PIGG: variants seen among roughly 807,000 people sequenced by gnomAD.
PIGG encodes the protein GPI ethanolamine phosphate transferase 2, catalytic subunit.
PIGG carries 70 observed loss-of-function variants against 83.2 expected under a neutral mutation model. That is an observed-to-expected ratio of 0.84 (90% CI 0.69 to 1.03). The LOEUF is 1.03. Ranked by LOEUF, PIGG falls within the 50% of genes least tolerant of loss-of-function variation. PIGG has a pLI of 0.00. For synonymous variants in PIGG, 532 were observed against 519.5 expected, an observed-to-expected ratio of 1.02 and a Z score of -0.33; for missense variants, 1,257 against 1,233.6, an observed-to-expected ratio of 1.02 and a Z score of -0.28.
intron 1 of PIGG, chr4:500,157 T>C (rs1553874767): frequency 1.1e-5 from 6 of 538,112 alleles, no homozygotes; most frequent in Non-Finnish European, 3.3e-6. Context: ...CCCAGTACTC[T>C]TCACCATACT....
Position 516,943 on chromosome 4 carries a change from C to T in PIGG, c.1114+758C>T, listed in dbSNP as rs569450356. The stretch of plus-strand genomic sequence containing the variant: ...GGGGGAGCCACTGGGGCAGGCTGGC[C>T]GCTGGCCATCTGGGAGGGCACATTA... On this transcript the variant is annotated intron_variant, in intron 6 of 12. Transcript: ENST00000453061. 1.6e-4 allele frequency among the ~76,000 whole-genome samples: 24 copies of T among 151,754 alleles called. No homozygotes were observed. The South Asian group carries it at 4.6e-3, about 29-fold the overall frequency.
rs1161542675 is a variant in PIGG at position 523,569 on chromosome 4, C to T, written c.1725C>T (p.His575=). ...CCAGCAGCTTCGTGGAGGAGGAGCA[C>T]CAGACCTGGTACTTCCTTGTGAACA... ...LGASSFVEEE[H]QTWYFLVNTL... The change falls in exon 9 of 13, where the codon CAC becomes CAT. Residue 575 remains histidine, a synonymous_variant. Coordinates refer to ENST00000453061, the MANE Select transcript of PIGG (RefSeq NM_001127178.3). The T allele has an allele frequency of 6.2e-7, 1 of 1,614,106 alleles. No homozygotes were observed. The highest frequency in any genetic ancestry group is 2.2e-5 in the East Asian group (1 of 44,874).
chr4:519,941 C>T (rs1373766521), intron 6 of PIGG, among the ~76,000 whole-genome samples: 3 of 143,996 alleles, frequency 2.1e-5, no homozygotes, highest in African/African-American at 7.8e-5. Context: ...CGTGTGGGTT[C>T]ATGCTTAGGG....
At chr4:534,055 G>A in intron 12 of PIGG, 74 bp downstream of exon 12, 2 of 1,328,086 alleles carry the variant, frequency 1.5e-6, no homozygotes, top group South Asian at 1.2e-5. Flanking sequence ...CTTTGTTCCA[G>A]ATGCAAGGGG....
At position 523,784 on chromosome 4, in the gene PIGG, G is replaced by C; in HGVS notation, c.1940G>C (p.Arg647Thr). The C allele has an allele frequency of 6.2e-7, 1 of 1,613,866 alleles. No homozygotes were observed. The highest frequency in any genetic ancestry group is 8.5e-7 in the Non-Finnish European group (1 of 1,180,034). ...HGSPSTSEVL[R>T]GREKWMVLAS... The stretch of plus-strand genomic sequence containing the variant: ...AGCCCCTCTACCTCCGAAGTGCTCA[G>C]AGGCCGCGAGAAGTGGATGGTGCTG... Residue 647 changes from arginine (R) to threonine (T), a missense_variant, in exon 9 of 13, where the codon AGA (arginine) becomes ACA (threonine). By Grantham distance (71) the Arg-to-Thr change is moderately conservative. Transcript: ENST00000453061.
chr4:517,394 G>A (rs770546368), intron 6 of PIGG, among the ~76,000 whole-genome samples: 14 of 152,160 alleles, frequency 9.2e-5, no homozygotes, highest in East Asian at 3.9e-4. Flanking sequence ...GACCAGAGGC[G>A]TTAGGTACGA....
In PIGG at chr4:499,481, C is replaced by A. The variant is rs782555599; in HGVS notation, c.146C>A (p.Pro49His). Residue 49 changes from proline to histidine, a missense_variant, in exon 1 of 13, where the codon CCC becomes CAC. Physicochemically the swap from Pro to His is moderately conservative, Grantham distance 77. Transcript: ENST00000453061. Reference sequence around the variant, plus strand: ...GGAGCGGAGCCCCCAGCGCCCGAACCCTCGGCTGGTACGGACCCCTCCCCG... The same window carrying A: ...GGAGCGGAGCCCCCAGCGCCCGAACACTCGGCTGGTACGGACCCCTCCCCG... ...EHGAEPPAPE[P>H]SAGASSNWTT... The A allele has an allele frequency of 3.8e-6, 6 of 1,597,652 alleles. No individual in the cohort carries two copies. The South Asian group carries it at 5.5e-5, about 15-fold the overall frequency.
chr4:522,192 C>G (rs765616354), intron 8 of PIGG: 1 of 602,526 alleles, frequency 1.7e-6, no homozygotes, highest in Middle Eastern at 4.3e-4. Flanking sequence ...AAGCTAGGTT[C>G]CTGCGACTGT....
chr4:533,634 C>T, intron 11 of PIGG, 184 bp from the exon 12 acceptor site: 1 of 613,854 alleles, frequency 1.6e-6, no homozygotes, highest in Non-Finnish European at 2.9e-6. Context: ...GCCACCTAGG[C>T]AAGGCCAGCT....
At chr4:535,320 G>T (rs1730215867) in intron 12 of PIGG, among the ~76,000 whole-genome samples, 1 of 149,908 alleles carries the variant, frequency 6.7e-6, no homozygotes, top group Non-Finnish European at 1.5e-5. Flanking sequence ...AGTGGCCCCT[G>T]CGGCATCTAC....
chr4:506,047 A>C (rs143579148), intron 3 of PIGG, 120 bp downstream of exon 3: 15 of 695,126 alleles, frequency 2.2e-5, no homozygotes, highest in South Asian at 5.9e-5. Context: ...ATTTATAGGG[A>C]GTACTATGGA....
rs549380649 is a variant in PIGG at position 523,617 on chromosome 4, A to C, written c.1773A>C (p.Gln591His). 18 of 1,614,086 alleles carry C rather than the reference A, an allele frequency of 1.1e-5. No homozygotes were observed. The highest frequency in any genetic ancestry group is 1.5e-5 in the Non-Finnish European group (18 of 1,180,040). ...ACACCCTGTGTCTAGCTCTGAGCCA[A>C]GAAACCTACAGAAACTACTTTCTGG... ...LVNTLCLALS[Q>H]ETYRNYFLGD... Residue 591 changes from glutamine (Q) to histidine (H), a missense_variant, in exon 9 of 13, where the codon CAA (glutamine) becomes CAC (histidine). Coordinates refer to ENST00000453061, the MANE Select transcript of PIGG (RefSeq NM_001127178.3).
intron 11 of PIGG, chr4:531,338 C>T (rs1444911635): frequency 6.7e-6 from 1 of 149,324 alleles, no homozygotes; most frequent in African/African-American, 2.5e-5. Context: ...CCTCATCCAG[C>T]CTCCCGGCAA....
chr4:509,011 AT>A (rs782554375), intron 5 of PIGG, 41 bp downstream of exon 5: 4 of 1,565,180 alleles, frequency 2.6e-6, no homozygotes, highest in Non-Finnish European at 3.5e-6. Flanking sequence ...ATTGTATTAC[AT>A]TTGTTTTCTA....
intron 4 of PIGG, among the ~76,000 whole-genome samples, chr4:508,332 G>A (rs534024110): frequency 5.9e-5 from 9 of 152,374 alleles, no homozygotes; most frequent in Non-Finnish European, 1.0e-4. Context: ...AGCAGCGAGG[G>A]TCAGGCACAG....
At chr4:501,352 G>C (rs1352065185) in intron 2 of PIGG, among the ~76,000 whole-genome samples, 1 of 152,242 alleles carries the variant, frequency 6.6e-6, no homozygotes, top group African/African-American at 2.4e-5. Context: ...GTTAATGCAT[G>C]ATGAGAAAGA....
In PIGG at chr4:523,695, G is replaced by A. The variant is rs146030301; in HGVS notation, c.1851G>A (p.Gly617=). ...CGLCVEQGHD[G]ATAAWQDGPG... ...TCTGTGTGGAACAAGGGCATGACGGGGCCACAGCAGCGTGGCAGGACGGGC... is the reference window on the plus strand; with the variant it reads ...TCTGTGTGGAACAAGGGCATGACGGAGCCACAGCAGCGTGGCAGGACGGGC... The change falls in exon 9 of 13, where the codon GGG becomes GGA. Residue 617 remains glycine (G), a synonymous_variant. Coordinates refer to ENST00000453061, the MANE Select transcript of PIGG (RefSeq NM_001127178.3). 3.6e-5 allele frequency: 58 copies of A among 1,614,116 alleles called. 1 individual carries two copies. In the African/African-American group the frequency reaches 6.1e-4, roughly 17 times the overall value.
At chr4:511,247 C>T (rs568845673) in intron 5 of PIGG, among the ~76,000 whole-genome samples, 8 of 146,842 alleles carry the variant, frequency 5.4e-5, no homozygotes, top group East Asian at 2.0e-4. Context: ...GAGCCGAGAT[C>T]GTGCCATTGC....
chr4:527,432 G>A (rs1380762840), intron 10 of PIGG: 16 of 1,326,682 alleles, frequency 1.2e-5, no homozygotes, highest in South Asian at 9.0e-5. Context: ...AACCAGCTGC[G>A]TTGTTAGCAC....
Sources: gnomAD v4.1 joint callset for allele counts (sites outside exome capture counted in the v4.1 genomes callset) on GRCh38, gnomAD v4.1.1 for gene constraint, MANE v1.5 for transcripts, NCBI Gene and HGNC (gene_info 2026-07-23, HGNC 2026-07-21) for gene names.